The following FNDC3B variants were observed in gnomAD, a reference collection of about 807,000 sequenced individuals.
FNDC3B encodes the protein fibronectin type III domain containing 3B.
FNDC3B carries 12 observed loss-of-function variants against 151.5 expected under a neutral mutation model. The observed-to-expected ratio is 0.08, with a 90% CI of 0.05 to 0.13. The LOEUF (loss-of-function observed/expected upper bound fraction) is 0.13, where lower values mean the gene tolerates loss of function less well. Among genes scored for constraint, FNDC3B ranks in the 10% least tolerant of loss-of-function variants. FNDC3B has a pLI of 1.00. For synonymous variants in FNDC3B, 528 were observed against 549.0 expected (o/e 0.96, Z 0.54); for missense variants, 1,214 against 1,505.3 (o/e 0.81, Z 3.20).
At chr3:172,085,978 T>C (rs1430689969) in intron 1 of FNDC3B, among the ~76,000 whole-genome samples, 1 of 152,172 alleles carries the variant, frequency 6.6e-6, no homozygotes, top group East Asian at 1.9e-4. Flanking sequence ...TGGCAAAAAT[T>C]GCAAAAGATT....
chr3:172,376,863 A>G (rs921843316), intron 23 of FNDC3B, among the ~76,000 whole-genome samples: 6 of 83,812 alleles, frequency 7.2e-5, no homozygotes, highest in African/African-American at 1.8e-4. Flanking sequence ...AAAAAAAAAA[A>G]AAGAAAGAAA....
intron 23 of FNDC3B, among the ~76,000 whole-genome samples, chr3:172,372,652 T>A (rs1036749053): frequency 9.9e-5 from 15 of 152,018 alleles, no homozygotes; most frequent in Admixed American, 2.6e-4. Flanking sequence ...TCCTGCTGGG[T>A]CAAAAGCTGT....
intron 3 of FNDC3B, among the ~76,000 whole-genome samples, chr3:172,192,336 CTAAT>C (rs1347760180): frequency 1.3e-5 from 2 of 151,764 alleles, no homozygotes; most frequent in Non-Finnish European, 2.9e-5. Context: ...CCACCCCTGG[CTAAT>C]TATTATTATT....
intron 3 of FNDC3B, among the ~76,000 whole-genome samples, chr3:172,188,140 C>A (rs1724299046): frequency 6.6e-6 from 1 of 151,680 alleles, no homozygotes; most frequent in Non-Finnish European, 1.5e-5. Flanking sequence ...GGATTACAGG[C>A]ATGTGCCACC....
chr3:172,346,542 A>C, intron 20 of FNDC3B, 102 bp downstream of exon 20: 3 of 433,576 alleles, frequency 6.9e-6, no homozygotes, highest in Non-Finnish European at 8.2e-6. Flanking sequence ...GCACATATAG[A>C]TGATTTTTTT....
intron 3 of FNDC3B, among the ~76,000 whole-genome samples, chr3:172,183,883 C>T (rs1724044580): frequency 6.6e-6 from 1 of 152,102 alleles, no homozygotes; most frequent in Admixed American, 6.5e-5. Context: ...TTCCTCCTAT[C>T]CTTAAGTTTT....
At chr3:172,295,291 T>C (rs1730546673) in intron 7 of FNDC3B, 72 bp from the exon 8 acceptor site, 5 of 1,428,664 alleles carry the variant, frequency 3.5e-6, no homozygotes, top group East Asian at 4.6e-5. Flanking sequence ...GAGCCAGTTT[T>C]ATGCCACTAC....
At chr3:172,141,850 C>CAA (rs763193990) in intron 3 of FNDC3B, among the ~76,000 whole-genome samples, 40 of 139,248 alleles carry the variant, frequency 2.9e-4, no homozygotes, top group African/African-American at 9.9e-4. Context: ...GACTGCGTCT[C>CAA]AAAAAAAAAA....
At chr3:172,236,409 G>T (rs1727166143) in intron 4 of FNDC3B, among the ~76,000 whole-genome samples, 1 of 152,186 alleles carries the variant, frequency 6.6e-6, no homozygotes, top group African/African-American at 2.4e-5. Flanking sequence ...TTAGGACTGT[G>T]ATGCTGCTTA....
intron 11 of FNDC3B, chr3:172,317,153 T>C (rs1466058616): frequency 4.5e-6 from 2 of 448,290 alleles, no homozygotes; most frequent in East Asian, 7.0e-5. Flanking sequence ...CCTCTCAACA[T>C]GTTGCATTGG....
intron 3 of FNDC3B, among the ~76,000 whole-genome samples, chr3:172,225,086 G>A (rs1160830966): frequency 6.6e-6 from 1 of 152,200 alleles, no homozygotes; most frequent in Non-Finnish European, 1.5e-5. Flanking sequence ...TTTGTTGTTT[G>A]CCTTAGACAT....
At chr3:172,365,449 C>T (rs1042878190) in intron 23 of FNDC3B, among the ~76,000 whole-genome samples, 1 of 152,176 alleles carries the variant, frequency 6.6e-6, no homozygotes, top group Admixed American at 6.5e-5. Context: ...TTCTTACCTG[C>T]AGGCTCTCAA....
intron 6 of FNDC3B, among the ~76,000 whole-genome samples, chr3:172,263,600 T>G (rs1045039166): frequency 7.4e-6 from 1 of 135,936 alleles, no homozygotes; most frequent in Non-Finnish European, 1.7e-5. Flanking sequence ...TTTTTTTTTT[T>G]TTTTTTTTTT....
At chr3:172,254,874 C>G (rs982309992) in intron 6 of FNDC3B, among the ~76,000 whole-genome samples, 1 of 152,158 alleles carries the variant, frequency 6.6e-6, no homozygotes, top group Non-Finnish European at 1.5e-5. Context: ...TTGTTACTTA[C>G]TATTTCCTTT....
rs2108444663 is a variant in FNDC3B at position 172,040,637 on chromosome 3, C to T, written c.-29+866C>T. 1 of 151,858 alleles carries T rather than the reference C, an allele frequency of 6.6e-6. No individual in the cohort carries two copies. The highest frequency in any genetic ancestry group is 2.4e-5 in the African/African-American group (1 of 41,462). The allele number at this position is 151,858 out of a possible 1,614,324, so 9.4% of individuals were successfully genotyped here. A position where few individuals can be genotyped will look rare whatever the true frequency, so the allele number is the denominator to read the frequency against. On this transcript the variant is annotated intron_variant, in intron 1 of 25. Transcript: ENST00000415807. This position sits in a 1 kb window ranked among gnomAD's most constrained non-coding sequence, Gnocchi z 6.6. ...CAGCGGAGCTCCGGTCAGTCGGTCA[C>T]CCCGAGGGGCGCCTCGGCCGGGGAT...
intron 4 of FNDC3B, among the ~76,000 whole-genome samples, chr3:172,231,879 GTTT>G (rs33956893): frequency 9.6e-6 from 1 of 104,492 alleles, no homozygotes; most frequent in Non-Finnish European, 1.8e-5. Flanking sequence ...TTTATTTACC[GTTT>G]TTTTTTTTTT....
chr3:172,066,641 G>C (rs1176297606), intron 1 of FNDC3B, among the ~76,000 whole-genome samples: 2 of 152,204 alleles, frequency 1.3e-5, no homozygotes, highest in Non-Finnish European at 2.9e-5. Context: ...ACGTGCTGCT[G>C]TTCCCAGACT....
rs1393532688 is a variant in FNDC3B at position 172,344,107 on chromosome 3, G to A, written c.2099G>A (p.Gly700Asp). The A allele has an allele frequency of 2.5e-6, 4 of 1,612,042 alleles. No individual in the cohort carries two copies. In the Admixed American group the frequency reaches 6.7e-5, roughly 27 times the overall value. Reference sequence around the variant, plus strand: ...CCAGATGTTCCTGCATCGGAAAGTGGCTGTGAGGTCTCAGAGTACAGCGTG... The same window carrying A: ...CCAGATGTTCCTGCATCGGAAAGTGACTGTGAGGTCTCAGAGTACAGCGTG... Reference protein sequence around the residue: ...LEWDVPASESGCEVSEYSVEM... With the variant: ...LEWDVPASESDCEVSEYSVEM... The change falls in exon 19 of 26, where the codon GGC (glycine) becomes GAC (aspartate). Residue 700 changes from glycine (G) to aspartate (D), a missense_variant. Coordinates refer to ENST00000415807, the MANE Select transcript of FNDC3B (RefSeq NM_022763.4).
At chr3:172,203,634 C>G (rs1725271632) in intron 3 of FNDC3B, among the ~76,000 whole-genome samples, 1 of 152,142 alleles carries the variant, frequency 6.6e-6, no homozygotes, top group Non-Finnish European at 1.5e-5. Flanking sequence ...AAAGATTATG[C>G]TTGGTGTTCT....
Sources: gnomAD v4.1 joint callset for allele counts (sites outside exome capture counted in the v4.1 genomes callset) on GRCh38, gnomAD v4.1.1 for gene constraint, Gnocchi (gnomAD v3.1) non-coding constraint, MANE v1.5 for transcripts, NCBI Gene and HGNC (gene_info 2026-07-23, HGNC 2026-07-21) for gene names.